Variants in INO80C observed in about 807,000 individuals in gnomAD.
INO80C encodes IES6 homolog.
INO80C carries 17 observed loss-of-function variants against 17.7 expected under a neutral mutation model. That is an observed-to-expected ratio of 0.96 (90% CI 0.66 to 1.44). The LOEUF (loss-of-function observed/expected upper bound fraction) is 1.44. Ranked by LOEUF, INO80C falls within the 40% of genes most tolerant of loss-of-function variation. The pLI, the probability that INO80C is intolerant of heterozygous loss-of-function variation, is 0.00. For synonymous variants in INO80C, 96 were observed against 95.8 expected (o/e 1.00, Z -0.01); for missense variants, 244 against 245.0 (o/e 1.00, Z 0.03).
chr18:35,487,371 G>A (rs920522920), intron 1 of INO80C: 9 of 393,856 alleles, frequency 2.3e-5, no homozygotes, highest in Admixed American at 2.8e-5. Context: ...AGAAAAAGAG[G>A]TTTAATGGAC....
At chr18:35,494,491 T>C (rs529801014) in intron 1 of INO80C, among the ~76,000 whole-genome samples, 32 of 152,358 alleles carry the variant, frequency 2.1e-4, no homozygotes, top group Middle Eastern at 3.4e-3. Context: ...ATGAGAAGAA[T>C]TGGACACAAG....
intron 4 of INO80C, 112 bp downstream of exon 4, chr18:35,478,170 G>A: frequency 1.2e-6 from 1 of 810,396 alleles, no homozygotes; most frequent in Non-Finnish European, 2.0e-6. Context: ...ACCTATCACT[G>A]TAGACAGGCT....
intron 2 of INO80C, 66 bp downstream of exon 2, chr18:35,480,387 C>T: frequency 9.0e-7 from 1 of 1,114,362 alleles, no homozygotes; most frequent in Non-Finnish European, 1.4e-6. Flanking sequence ...GGCTACAGGC[C>T]CAGCAAGATC....
chr18:35,471,849 G>A (rs1471111434), intron 4 of INO80C, among the ~76,000 whole-genome samples: 5 of 150,110 alleles, frequency 3.3e-5, no homozygotes, highest in Non-Finnish European at 5.9e-5. Flanking sequence ...GACAACATGC[G>A]GTGTTTGGTT....
chr18:35,478,445 G>A, intron 3 of INO80C, 96 bp from the exon 4 acceptor site: 1 of 989,298 alleles, frequency 1.0e-6, no homozygotes, highest in Non-Finnish European at 1.5e-6. Context: ...TAATATTCCT[G>A]AAAATTTCCT....
rs116340233 is a variant in INO80C, at chr18:35,496,552, G to C, written c.156+1167C>G. Among the ~76,000 whole-genome samples the C allele has an allele frequency of 5.2e-3, 793 of 152,294 alleles. 5 individuals carry two copies. The highest frequency in any genetic ancestry group is 0.019 in the African/African-American group (773 of 41,568). ...ACAAATGTAAAAGGGCACTGGATCT[G>C]TAGTTTTGTTTTGTTTTGTTTTGTT... On this transcript the variant is annotated intron_variant, in intron 1 of 4. Transcript: ENST00000334598.
In INO80C at chr18:35,480,482, G is replaced by T; in HGVS notation, c.238C>A (p.Pro80Thr). 6.2e-7 allele frequency: 1 copy of T among 1,613,876 alleles called. No individual in the cohort carries two copies. The highest frequency in any genetic ancestry group is 8.5e-7 in the Non-Finnish European group (1 of 1,179,736). Residue 80 changes from proline (P) to threonine (T), a missense_variant, in exon 2 of 5, where the codon CCT (proline) becomes ACT (threonine). Physicochemically the swap from Pro to Thr is conservative, Grantham distance 38. Coordinates refer to ENST00000334598, the MANE Select transcript of INO80C (RefSeq NM_194281.4). ...STGPVEKAAK[P>T]LPFKDPNFVH... ...AAGTTGGGATCCTTAAATGGCAAAG[G>T]TTTGGCAGCTTTTTCCACAGGTCCT...
Position 35,468,632 on chromosome 18 carries a change from C to G in INO80C, c.558G>C (p.Lys186Asn), listed in dbSNP as rs2045631561. 17 of 1,614,110 alleles carry G rather than the reference C, an allele frequency of 1.1e-5. No individual in the cohort carries two copies. The highest frequency in any genetic ancestry group is 1.1e-5 in the Non-Finnish European group (13 of 1,180,016). Residue 186 changes from lysine to asparagine, a missense_variant, in exon 5 of 5, where the codon AAG (lysine) becomes AAC (asparagine). Coordinates refer to ENST00000334598, the MANE Select transcript of INO80C (RefSeq NM_194281.4). Reference sequence around the variant, plus strand: ...GGGCTCAGGGAACGATGCTCGTGGCCTTCCTCAGGGCCAGGTAGCCGGTGA... The same window carrying G: ...GGGCTCAGGGAACGATGCTCGTGGCGTTCCTCAGGGCCAGGTAGCCGGTGA... ...DVVTGYLALR[K>N]ATSIVP
intron 1 of INO80C, among the ~76,000 whole-genome samples, chr18:35,484,262 T>C (rs544679845): frequency 4.6e-5 from 7 of 152,148 alleles, no homozygotes; most frequent in South Asian, 4.1e-4. Context: ...TGGAATTGGA[T>C]TGAAACTAGA....
At chr18:35,485,517 C>A (rs866074196) in intron 1 of INO80C, among the ~76,000 whole-genome samples, 1 of 152,056 alleles carries the variant, frequency 6.6e-6, no homozygotes, top group Non-Finnish European at 1.5e-5. Flanking sequence ...TGCACACTCA[C>A]TAGGATGGTT....
At chr18:35,485,188 T>C (rs895953111) in intron 1 of INO80C, among the ~76,000 whole-genome samples, 1 of 151,770 alleles carries the variant, frequency 6.6e-6, no homozygotes, top group Non-Finnish European at 1.5e-5. Flanking sequence ...AAATAATAAA[T>C]ACTGGGGGCA....
At chr18:35,477,147 G>A (rs1398226469) in intron 4 of INO80C, among the ~76,000 whole-genome samples, 1 of 152,212 alleles carries the variant, frequency 6.6e-6, no homozygotes, top group Non-Finnish European at 1.5e-5. Flanking sequence ...AGGAGGCTGA[G>A]GCAGGATAAT....
At chr18:35,470,811 A>C (rs2045660650) in intron 4 of INO80C, among the ~76,000 whole-genome samples, 1 of 152,246 alleles carries the variant, frequency 6.6e-6, no homozygotes, top group Non-Finnish European at 1.5e-5. Context: ...AAGGATGCCA[A>C]GTGACACCCA....
intron 4 of INO80C, among the ~76,000 whole-genome samples, chr18:35,473,872 T>C (rs1451933030): frequency 6.6e-6 from 1 of 152,070 alleles, no homozygotes; most frequent in African/African-American, 2.4e-5. Flanking sequence ...GGAAACATCA[T>C]GGGCTTTCTG....
chr18:35,490,595 G>C (rs1438654717), intron 1 of INO80C, among the ~76,000 whole-genome samples: 1 of 152,032 alleles, frequency 6.6e-6, no homozygotes, highest in Non-Finnish European at 1.5e-5. Context: ...GAGCAAAAAG[G>C]ACACACTAAA....
chr18:35,495,618 T>A (rs565928858), intron 1 of INO80C, among the ~76,000 whole-genome samples: 4 of 152,250 alleles, frequency 2.6e-5, no homozygotes, highest in Non-Finnish European at 4.4e-5. Context: ...TTCAGAAGCT[T>A]GTGGTAGTGG....
chr18:35,489,107 A>C (rs998658459), intron 1 of INO80C: 1 of 172,356 alleles, frequency 5.8e-6, no homozygotes, highest in South Asian at 1.2e-4. Context: ...AGGAGGTTCC[A>C]AACTTTCTCA....
chr18:35,492,387 T>C (rs991180302), intron 1 of INO80C, among the ~76,000 whole-genome samples: 4 of 152,100 alleles, frequency 2.6e-5, no homozygotes, highest in African/African-American at 9.7e-5. Context: ...TATCAACACA[T>C]AGAAATGTTC....
intron 4 of INO80C, among the ~76,000 whole-genome samples, chr18:35,473,830 G>C (rs1459449623): frequency 1.3e-5 from 2 of 152,132 alleles, no homozygotes; most frequent in Non-Finnish European, 2.9e-5. Flanking sequence ...AAAGCACTTA[G>C]AAGTTAAGTG....
Sources: allele counts gnomAD v4.1 joint callset (sites outside exome capture counted in the v4.1 genomes callset), GRCh38; gene constraint gnomAD v4.1.1; transcripts MANE v1.5; gene names NCBI Gene and HGNC (gene_info 2026-07-23, HGNC 2026-07-21).